The following CPNE9 variants were observed in gnomAD, a reference collection of about 807,000 sequenced individuals.
CPNE9 encodes the protein copine family member 9, also known as copine-9.
A neutral mutation model predicts 83.0 loss-of-function variants in CPNE9; 59 were observed. The observed-to-expected ratio is 0.71, with a 90% CI of 0.58 to 0.88. The LOEUF (loss-of-function observed/expected upper bound fraction) is 0.88, where lower values mean the gene tolerates loss of function less well. Among genes scored for constraint, CPNE9 ranks in the 40% least tolerant of loss-of-function variants. The pLI, the probability that CPNE9 is intolerant of heterozygous loss-of-function variation, is 0.00. For missense variants in CPNE9, 619 were observed against 720.8 expected (o/e 0.86, Z 1.62); for synonymous variants, 256 against 273.4 (o/e 0.94, Z 0.63).
At chr3:9,722,362 G>C (rs2076742569) in intron 17 of CPNE9, among the ~76,000 whole-genome samples, 1 of 152,178 alleles carries the variant, frequency 6.6e-6, no homozygotes, top group African/African-American at 2.4e-5. Flanking sequence ...AGCCAAGTGA[G>C]GCATAGACTG....
At chr3:9,725,910 C>T (rs765124937) in intron 17 of CPNE9, 39 bp from the exon 18 acceptor site, 1 of 1,510,814 alleles carries the variant, frequency 6.6e-7, no homozygotes, top group Non-Finnish European at 9.2e-7. Context: ...CTTGGCCTGT[C>T]TGGCTTTCAG....
rs1447525246 is a variant in CPNE9, at chr3:9,704,311, G to A, written c.68+247G>A. On this transcript the variant is annotated intron_variant, in intron 1 of 20. Coordinates refer to ENST00000383832, the MANE Select transcript of CPNE9 (RefSeq NM_153635.3). This position sits in a 1 kb window ranked among gnomAD's most constrained non-coding sequence, Gnocchi z 7.1. The stretch of plus-strand genomic sequence containing the variant: ...GTCGCAGATATCCGGTAGGAGCTCG[G>A]CCCCAGGAGGACAAAGTTCTGGGGC... Among the ~76,000 whole-genome samples, 1 of 152,216 alleles carries A rather than the reference G, an allele frequency of 6.6e-6. No homozygotes were observed. Among genetic ancestry groups the A allele is most frequent in the Non-Finnish European group, 1.5e-5 (1 of 68,034 alleles).
At chr3:9,727,042 C>A (rs2076790628) in intron 19 of CPNE9, 71 bp from the exon 20 acceptor site, 2 of 1,532,810 alleles carry the variant, frequency 1.3e-6, no homozygotes, top group Admixed American at 1.7e-5. Context: ...CAAAGGGGAG[C>A]TCAAAGGGAG....
intron 13 of CPNE9, among the ~76,000 whole-genome samples, 194 bp downstream of exon 13, chr3:9,715,720 T>C (rs2076676810): frequency 6.6e-6 from 1 of 152,202 alleles, no homozygotes; most frequent in African/African-American, 2.4e-5. Context: ...CTGACTTCAC[T>C]CTTTTGCAGA....
chr3:9,709,665 G>C (rs997525539), intron 7 of CPNE9, among the ~76,000 whole-genome samples: 1 of 151,926 alleles, frequency 6.6e-6, no homozygotes, highest in Non-Finnish European at 1.5e-5. Context: ...GCCACGCCTA[G>C]CCAAGTTTAT....
At position 9,706,007 on chromosome 3, in the gene CPNE9, C is replaced by G; in HGVS notation, c.321C>G (p.Phe107Leu). 6.2e-7 allele frequency: 1 copy of G among 1,613,622 alleles called. No individual in the cohort carries two copies. Among genetic ancestry groups the G allele is most frequent in the South Asian group, 1.1e-5 (1 of 91,084 alleles). The change falls in exon 7 of 21, where the codon TTC becomes TTG. Residue 107 changes from phenylalanine (F) to leucine (L), a missense_variant. By Grantham distance (22) the Phe-to-Leu change is conservative (BLOSUM62 0). Around this residue, in one of 3 missense-constraint regions of CPNE9, gnomAD observed 438 missense variants for 562.9 expected, o/e 0.78. Transcript: ENST00000383832. The stretch of plus-strand genomic sequence containing the variant: ...CATAGGATTTCCTGGGACAAGCGTT[C>G]CTGGCCCTGGGAGAGGTGATTGGAG... ...SKPKDFLGQA[F>L]LALGEVIGGQ...
At chr3:9,715,184 C>G in intron 11 of CPNE9, 105 bp from the exon 12 acceptor site, 1 of 1,280,798 alleles carries the variant, frequency 7.8e-7, no homozygotes, top group Non-Finnish European at 1.1e-6. Context: ...CTAGGCTGCC[C>G]TGCAGCCTAA....
chr3:9,708,312 C>T (rs946614438), intron 7 of CPNE9, among the ~76,000 whole-genome samples: 17 of 151,694 alleles, frequency 1.1e-4, no homozygotes, highest in African/African-American at 3.6e-4. Context: ...GGAGGAAGGA[C>T]GGGAGAAAAA....
chr3:9,717,294 G>GAT (rs2125469832), intron 15 of CPNE9, among the ~76,000 whole-genome samples, 190 bp downstream of exon 15: 1 of 152,290 alleles, frequency 6.6e-6, no homozygotes, highest in Admixed American at 6.5e-5. Flanking sequence ...GGGTTGAAAG[G>GAT]ATATATAGCT....
At chr3:9,711,199 C>T (rs182014144) in intron 7 of CPNE9, among the ~76,000 whole-genome samples, 5 of 151,938 alleles carry the variant, frequency 3.3e-5, no homozygotes, top group South Asian at 2.1e-4. Flanking sequence ...GATGTGCAAG[C>T]GAATTATTTA....
chr3:9,716,686 G>A (rs2076686787), intron 14 of CPNE9, among the ~76,000 whole-genome samples: 1 of 152,124 alleles, frequency 6.6e-6, no homozygotes, highest in African/African-American at 2.4e-5. Flanking sequence ...TGGTCAGGCT[G>A]GTCTCAAACT....
intron 7 of CPNE9, among the ~76,000 whole-genome samples, chr3:9,708,933 C>T (rs1268808664): frequency 6.6e-6 from 1 of 151,374 alleles, no homozygotes; most frequent in Non-Finnish European, 1.5e-5. Context: ...CGCACCCGGC[C>T]CAAGTCAAGG....
rs760787399 is a variant in CPNE9, at chr3:9,714,929, T to A, written c.666T>A (p.Asp222Glu). 1 of 1,613,842 alleles carries A rather than the reference T, an allele frequency of 6.2e-7. No individual in the cohort carries two copies. Among genetic ancestry groups the A allele is most frequent in the African/African-American group, 1.3e-5 (1 of 74,920 alleles). ...NGDYDRTVKI[D>E]VYDWDRDGSH... Reference sequence around the variant, plus strand: ...TACATTTCAGAACGGTGAAGATTGATGTGTACGACTGGGACCGGGATGGAA... The same window carrying A: ...TACATTTCAGAACGGTGAAGATTGAAGTGTACGACTGGGACCGGGATGGAA... Residue 222 changes from aspartate (D) to glutamate (E), a missense_variant, in exon 11 of 21, where the codon GAT becomes GAA. Asp to Glu is a conservative substitution (Grantham distance 45). This residue lies in a region of CPNE9 where 438 missense variants were observed against 562.9 expected (regional missense o/e 0.78). Transcript: ENST00000383832.
In CPNE9 at chr3:9,704,141, CA is replaced by C; in HGVS notation, c.68+78del. Reference sequence around the variant, plus strand: ...AGCCAGCCGCGGGGCTCAGCCTGGGCAGGGGCTAGACCCCCGGGGAGAGGCG... The same window carrying C: ...AGCCAGCCGCGGGGCTCAGCCTGGGCGGGGCTAGACCCCCGGGGAGAGGCG... On this transcript the variant is annotated intron_variant, in intron 1 of 20. Coordinates refer to ENST00000383832, the MANE Select transcript of CPNE9 (RefSeq NM_153635.3). This position sits in a 1 kb window ranked among gnomAD's most constrained non-coding sequence, Gnocchi z 7.1. 7.1e-7 allele frequency: 1 copy of C among 1,412,580 alleles called. No homozygotes were observed. 87.5% of individuals were successfully genotyped at this position (1,412,580 alleles called of 1,614,324 possible). A position where few individuals can be genotyped will look rare whatever the true frequency, so the allele number is the denominator to read the frequency against.
Position 9,717,056 on chromosome 3 carries a change from A to G in CPNE9, c.885-2A>G. 6.2e-7 allele frequency: 1 copy of G among 1,614,138 alleles called. No individual in the cohort carries two copies. Among genetic ancestry groups the G allele is most frequent in the Non-Finnish European group, 8.5e-7 (1 of 1,179,974 alleles). On this transcript the variant is annotated splice_acceptor_variant, in intron 14 of 20. Coordinates refer to ENST00000383832, the MANE Select transcript of CPNE9 (RefSeq NM_153635.3). LOFTEE classifies it high-confidence loss of function. ...TTCTCAATTCATCTGCTTCCCCAAC[A>G]GGACACAGCTGAACTTCACAGTAGC...
At chr3:9,720,648 A>T (rs1269964947) in intron 17 of CPNE9, among the ~76,000 whole-genome samples, 1 of 152,266 alleles carries the variant, frequency 6.6e-6, no homozygotes, top group African/African-American at 2.4e-5. Flanking sequence ...CCATAATTAT[A>T]GTCAAATTAT....
rs2076541373 is a variant in CPNE9, at chr3:9,704,634, G to A, written c.109+7G>A. The A allele has an allele frequency of 6.2e-7, 1 of 1,613,988 alleles. No individual in the cohort carries two copies. Among genetic ancestry groups the A allele is most frequent in the East Asian group, 2.2e-5 (1 of 44,880 alleles). On this transcript the variant is annotated splice_region_variant and intron_variant, in intron 2 of 20. Transcript: ENST00000383832. This position sits in a 1 kb window ranked among gnomAD's most constrained non-coding sequence, Gnocchi z 7.1. ...TTCTCCAAGTCCGACCCCAGTAGGCGGCTCCAGGACCGGGAGGGGGAACTT... is the reference window on the plus strand; with the variant it reads ...TTCTCCAAGTCCGACCCCAGTAGGCAGCTCCAGGACCGGGAGGGGGAACTT...
chr3:9,715,587 C>A, intron 13 of CPNE9, 61 bp downstream of exon 13: 7 of 1,411,990 alleles, frequency 5.0e-6, no homozygotes, highest in Non-Finnish European at 7.0e-6. Context: ...CCCATTGACA[C>A]AGCATGGCAA....
At chr3:9,717,809 T>G (rs1174717857) in intron 15 of CPNE9, among the ~76,000 whole-genome samples, 1 of 151,892 alleles carries the variant, frequency 6.6e-6, no homozygotes, top group Admixed American at 6.6e-5. Flanking sequence ...GATGGGTGGA[T>G]GGATGTGTGG....
Sources: allele counts gnomAD v4.1 joint callset (sites outside exome capture counted in the v4.1 genomes callset), GRCh38; gene constraint gnomAD v4.1.1; regional missense constraint gnomAD v4.1.1; non-coding constraint Gnocchi (gnomAD v3.1); transcripts MANE v1.5; gene names NCBI Gene and HGNC (gene_info 2026-07-23, HGNC 2026-07-21).